Variants in VWC2 observed in about 807,000 individuals in gnomAD.
VWC2 encodes von Willebrand factor C domain containing 2.
In VWC2, 14 loss-of-function variants were observed where a neutral mutation model predicts 29.8. The ratio of observed to expected loss-of-function variants is 0.47; its 90% CI spans 0.31 to 0.74. The LOEUF (loss-of-function observed/expected upper bound fraction) is 0.74. Ranked by LOEUF, VWC2 falls within the 30% of genes least tolerant of loss-of-function variation. VWC2 has a pLI of 0.05. For missense variants in VWC2, 457 were observed against 459.8 expected (o/e 0.99, Z 0.05); for synonymous variants, 213 against 199.0 (o/e 1.07, Z -0.59).
At chr7:49,877,869 T>C (rs1295270585) in intron 3 of VWC2, among the ~76,000 whole-genome samples, 2 of 152,184 alleles carry the variant, frequency 1.3e-5, no homozygotes, top group African/African-American at 2.4e-5. Flanking sequence ...AACTGCCACT[T>C]TGTCATCATC....
In VWC2 at chr7:49,781,209, C is replaced by T. The variant is rs565020749; in HGVS notation, c.696+5078C>T. 7.2e-5 allele frequency among the ~76,000 whole-genome samples: 11 copies of T among 152,114 alleles called. No individual in the cohort carries two copies. The South Asian group carries it at 2.3e-3, about 32-fold the overall frequency. ...AAGATTTTGTAAATTCTCTACTTCTCATTTTCTACCCTTGTGTCTAAAGCC... is the reference window on the plus strand; with the variant it reads ...AAGATTTTGTAAATTCTCTACTTCTTATTTTCTACCCTTGTGTCTAAAGCC... On this transcript the variant is annotated intron_variant, in intron 2 of 3. Transcript: ENST00000340652.
At chr7:49,785,476 G>T (rs534167775) in intron 2 of VWC2, among the ~76,000 whole-genome samples, 1 of 152,268 alleles carries the variant, frequency 6.6e-6, no homozygotes, top group African/African-American at 2.4e-5. Context: ...ATAGTTCCAA[G>T]AGATGGCAGT....
chr7:49,866,215 A>G (rs906825863), intron 3 of VWC2, among the ~76,000 whole-genome samples: 1 of 152,134 alleles, frequency 6.6e-6, no homozygotes, highest in African/African-American at 2.4e-5. Context: ...GGGAGAACCA[A>G]TAGACCCTTC....
intron 2 of VWC2, among the ~76,000 whole-genome samples, chr7:49,789,212 T>C (rs1052851738): frequency 6.7e-6 from 1 of 149,322 alleles, no homozygotes. Flanking sequence ...TGGGTGTGTG[T>C]GTGTGAGTGT....
At chr7:49,891,732 C>T (rs1308183631) in intron 3 of VWC2, among the ~76,000 whole-genome samples, 1 of 152,206 alleles carries the variant, frequency 6.6e-6, no homozygotes, top group Non-Finnish European at 1.5e-5. Flanking sequence ...GCTGAAAGTA[C>T]ACATGCCCTG....
chr7:49,832,975 C>T (rs565798213), intron 3 of VWC2, among the ~76,000 whole-genome samples: 85 of 152,264 alleles, frequency 5.6e-4, no homozygotes, highest in African/African-American at 2.0e-3. Flanking sequence ...TCCAGAATTG[C>T]AGCTATAAGC....
rs367989305 is a variant in VWC2, at chr7:49,862,326, C to T, written c.827-49708C>T. On this transcript the variant is annotated intron_variant, in intron 3 of 3. Transcript: ENST00000340652. ...TTTTTTTGTGTGTCAATCTTGTAAC[C>T]AGCAAGTTTTCTGAGTTCAATTATT... Among the ~76,000 whole-genome samples, 232 of 152,200 alleles carry T rather than the reference C, an allele frequency of 1.5e-3. 3 individuals carry two copies. Among genetic ancestry groups the T allele is most frequent in the African/African-American group, 5.3e-3 (222 of 41,550 alleles).
chr7:49,836,464 GAAA>G (rs34464968), intron 3 of VWC2, among the ~76,000 whole-genome samples: 2 of 117,760 alleles, frequency 1.7e-5, no homozygotes, highest in South Asian at 2.9e-4. Flanking sequence ...CTCTGTCTCT[GAAA>G]AAAAAAAAAA....
intron 3 of VWC2, 29 bp from the exon 4 acceptor site, chr7:49,912,005 A>G: frequency 1.2e-6 from 2 of 1,603,336 alleles, no homozygotes; most frequent in Non-Finnish European, 8.5e-7. Context: ...ATGCACACAT[A>G]TAGTATAAAA....
intron 3 of VWC2, among the ~76,000 whole-genome samples, chr7:49,877,282 G>A (rs1383648180): frequency 2.0e-5 from 3 of 150,400 alleles, no homozygotes; most frequent in Non-Finnish European, 3.0e-5. Flanking sequence ...GCCAACATGG[G>A]GGAGCCCCGT....
chr7:49,853,962 G>C (rs1392814338), intron 3 of VWC2, among the ~76,000 whole-genome samples: 1 of 150,986 alleles, frequency 6.6e-6, no homozygotes, highest in Non-Finnish European at 1.5e-5. Context: ...AGAACATGCG[G>C]TGTTTGGTTT....
chr7:49,816,288 T>C (rs2128708403), intron 3 of VWC2, among the ~76,000 whole-genome samples: 1 of 152,318 alleles, frequency 6.6e-6, no homozygotes, highest in African/African-American at 2.4e-5. Context: ...GCAAATACAT[T>C]TGACCTCCTG....
intron 2 of VWC2, among the ~76,000 whole-genome samples, 188 bp from the exon 3 acceptor site, chr7:49,802,523 A>G (rs1214702313): frequency 2.0e-5 from 3 of 152,184 alleles, no homozygotes; most frequent in Non-Finnish European, 4.4e-5. Context: ...CTGTAATCCC[A>G]GCTACTCAGG....
intron 1 of VWC2, 37 bp from the exon 2 acceptor site, chr7:49,775,296 G>A (rs762897965): frequency 2.0e-6 from 1 of 502,224 alleles, no homozygotes; most frequent in Non-Finnish European, 3.0e-6. Context: ...GCGCGCGCGG[G>A]CCGCGGGGCT....
At chr7:49,802,971 C>A in intron 3 of VWC2, 131 bp downstream of exon 3, 1 of 1,158,036 alleles carries the variant, frequency 8.6e-7, no homozygotes, top group Non-Finnish European at 1.2e-6. Context: ...CATGCGTACA[C>A]ACGTGTGTAA....
rs1214991513 is a variant in VWC2, at chr7:49,913,092, C to T, written c.*907C>T. The T allele has an allele frequency of 2.6e-5, 4 of 152,144 alleles. No homozygotes were observed. The highest frequency in any genetic ancestry group is 5.9e-5 in the Non-Finnish European group (4 of 68,010). 9.4% of individuals were successfully genotyped at this position (152,144 alleles called of 1,614,324 possible). A position where few individuals can be genotyped will look rare whatever the true frequency, so the allele number is the denominator to read the frequency against. ...TTTATATACCTGAAATCTAAATGTG[C>T]TACAGATAACTCAGCTGTCAGTTCA... On this transcript the variant is annotated 3_prime_UTR_variant, in exon 4 of 4. Transcript: ENST00000340652.
chr7:49,908,947 TA>T (rs1187682043), intron 3 of VWC2, among the ~76,000 whole-genome samples: 1 of 152,236 alleles, frequency 6.6e-6, no homozygotes, highest in Non-Finnish European at 1.5e-5. Flanking sequence ...CTTAGAATGA[TA>T]AAAACTCATT....
chr7:49,904,197 C>T (rs991614625), intron 3 of VWC2, among the ~76,000 whole-genome samples: 4 of 152,142 alleles, frequency 2.6e-5, no homozygotes, highest in Non-Finnish European at 5.9e-5. Flanking sequence ...ACTTTACAGG[C>T]TGCTCTTTGT....
intron 3 of VWC2, among the ~76,000 whole-genome samples, chr7:49,806,732 G>T (rs1022239308): frequency 2.6e-5 from 4 of 151,978 alleles, no homozygotes; most frequent in Non-Finnish European, 4.4e-5. Flanking sequence ...GTGTGTGTGT[G>T]TGTTTGTGTG....
Sources: gnomAD v4.1 joint callset for allele counts (sites outside exome capture counted in the v4.1 genomes callset) on GRCh38, gnomAD v4.1.1 for gene constraint, MANE v1.5 for transcripts, NCBI Gene and HGNC (gene_info 2026-07-23, HGNC 2026-07-21) for gene names.